COL18A1: variants seen among roughly 807,000 people sequenced by gnomAD.
COL18A1 encodes the protein collagen alpha-1(XVIII) chain.
In COL18A1, 133 loss-of-function variants were observed where a neutral mutation model predicts 168.0. The observed-to-expected ratio is 0.79, with a 90% CI of 0.69 to 0.91. The LOEUF (loss-of-function observed/expected upper bound fraction) is 0.91. Ranked by LOEUF, COL18A1 falls within the 40% of genes least tolerant of loss-of-function variation. The pLI is 0.00. For missense variants in COL18A1, 2,126 were observed against 1,925.4 expected, an observed-to-expected ratio of 1.10 and a Z score of -1.95; for synonymous variants, 949 against 809.0, an observed-to-expected ratio of 1.17 and a Z score of -2.94.
chr21:45,476,576 GGT>G (rs1346318742), intron 6 of COL18A1, 96 bp downstream of exon 6: 3 of 1,427,372 alleles, frequency 2.1e-6, no homozygotes, highest in Non-Finnish European at 1.9e-6. Flanking sequence ...TGTGATGTAT[GGT>G]GTGTGTAGTG....
chr21:45,465,176 G>T (rs1359546184), intron 2 of COL18A1, among the ~76,000 whole-genome samples: 1 of 152,226 alleles, frequency 6.6e-6, no homozygotes, highest in African/African-American at 2.4e-5. Context: ...TGACCCTGCA[G>T]ACACCTGCTC....
intron 2 of COL18A1, among the ~76,000 whole-genome samples, chr21:45,438,146 TCAGA>T (rs1235992157): frequency 7.3e-5 from 3 of 41,192 alleles, no homozygotes; most frequent in Admixed American, 5.1e-4. Flanking sequence ...ACACACTCAC[TCAGA>T]CACAGGCACT....
intron 2 of COL18A1, among the ~76,000 whole-genome samples, chr21:45,466,350 G>A (rs1478110584): frequency 6.6e-6 from 1 of 152,160 alleles, no homozygotes; most frequent in Non-Finnish European, 1.5e-5. Context: ...CCACACTTCT[G>A]GCTGGCCTGA....
chr21:45,445,115 C>T (rs149049473), intron 2 of COL18A1, among the ~76,000 whole-genome samples: 6 of 152,310 alleles, frequency 3.9e-5, no homozygotes, highest in East Asian at 3.9e-4. Context: ...GAAGCCTTTC[C>T]GCCGCCCTCC....
At chr21:45,488,520 A>G in intron 18 of COL18A1, 76 bp downstream of exon 18, 1 of 1,608,514 alleles carries the variant, frequency 6.2e-7, no homozygotes, top group Non-Finnish European at 8.5e-7. Context: ...TGGGGGAGAC[A>G]GGGCCTTGCC....
chr21:45,437,160 ACAGG>A lies in COL18A1; in HGVS notation c.107-31079_107-31076del, dbSNP rs1488223923. Among the ~76,000 whole-genome samples the A allele has an allele frequency of 1.8e-5, 2 of 112,850 alleles. 1 individual carries two copies. Among genetic ancestry groups the A allele is most frequent in the African/African-American group, 8.6e-5 (2 of 23,242 alleles). 74.0% of individuals were successfully genotyped at this position (112,850 alleles called of 152,430 possible). On this transcript the variant is annotated intron_variant, in intron 2 of 41. Coordinates refer to ENST00000651438, the MANE Select transcript of COL18A1 (RefSeq NM_001379500.1). ...TCTCCACACACACTCACACTCAGAC[ACAGG>A]CACTCTCCTGCACACACACTCACAC...
In COL18A1 at chr21:45,498,460, C is replaced by T. The variant is rs965331012; in HGVS notation, c.2683+799C>T. On this transcript the variant is annotated intron_variant, in intron 32 of 41. Coordinates refer to ENST00000651438, the MANE Select transcript of COL18A1 (RefSeq NM_001379500.1). The surrounding 1 kb of genome is among the most constrained non-coding windows in gnomAD (Gnocchi z 4.5). ...TCTCGCCGCCAGGGTCCCCTCTCGC[C>T]GCCACGGTCCCCGCTCGCCGCCAGG... is the stretch of plus-strand genomic sequence containing the variant. 2.3e-5 allele frequency: 16 copies of T among 701,158 alleles called. No individual in the cohort carries two copies. The Middle Eastern group carries it at 1.1e-3, about 46-fold the overall frequency. The allele number at this position is 701,158 out of a possible 1,614,324, so 43.4% of individuals were successfully genotyped here.
chr21:45,473,511 C>T lies in COL18A1; in HGVS notation c.652-384C>T, dbSNP rs1215836349. ...CCGCCTGGTGCTTGCGTAAAGCTCC[C>T]GGGACTTGGGGTTGGGGGACTTGAC... On this transcript the variant is annotated intron_variant, in intron 3 of 41. Transcript: ENST00000651438. This position sits in a 1 kb window ranked among gnomAD's most constrained non-coding sequence, Gnocchi z 4.0. Among the ~76,000 whole-genome samples, 2 of 152,140 alleles carry T rather than the reference C, an allele frequency of 1.3e-5. No individual in the cohort carries two copies. The highest frequency in any genetic ancestry group is 2.9e-5 in the Non-Finnish European group (2 of 68,022).
At chr21:45,480,041 G>C in intron 10 of COL18A1, 29 bp from the exon 11 acceptor site, 1 of 1,610,944 alleles carries the variant, frequency 6.2e-7, no homozygotes, top group Non-Finnish European at 8.5e-7. Context: ...GCGTGCCCAG[G>C]GTATGATAGG....
chr21:45,503,140 C>T (rs540460240), intron 32 of COL18A1, among the ~76,000 whole-genome samples: 6 of 152,288 alleles, frequency 3.9e-5, no homozygotes, highest in African/African-American at 9.6e-5. Flanking sequence ...CCTGAGGAAT[C>T]GCCACACTGA....
At position 45,423,098 on chromosome 21, in the gene COL18A1, G is replaced by A. The variant is rs1857178394; in HGVS notation, c.106+17625G>A. On this transcript the variant is annotated intron_variant, in intron 2 of 41. Coordinates refer to ENST00000651438, the MANE Select transcript of COL18A1 (RefSeq NM_001379500.1). The surrounding 1 kb of genome is among the most constrained non-coding windows in gnomAD (Gnocchi z 4.0). ...CAGAGTGTTGGGATTATAGGTGTGA[G>A]CCACCGCACCCGGCCGAAGTGGTTT... 1.3e-5 allele frequency among the ~76,000 whole-genome samples: 2 copies of A among 152,146 alleles called. No individual in the cohort carries two copies. Among genetic ancestry groups the A allele is most frequent in the Admixed American group, 6.5e-5 (1 of 15,278 alleles).
chr21:45,452,926 C>G (rs8131974), intron 2 of COL18A1, among the ~76,000 whole-genome samples: 6,567 of 150,602 alleles, frequency 0.044, 182 homozygotes, highest in African/African-American at 0.078. Flanking sequence ...TGTGAGTATT[C>G]ACATGTGACA....
rs147497197 is a variant in COL18A1, at chr21:45,509,963, C to T, written c.3496-101C>T. On this transcript the variant is annotated intron_variant, in intron 39 of 41. Transcript: ENST00000651438. ...CGCCTCCCGCTCAGCGCCCCTCGGC[C>T]GTGCCTGTCCACACAGGTGCGGGGC... 671 of 1,359,244 alleles carry T rather than the reference C, an allele frequency of 4.9e-4. 4 individuals carry two copies. The East Asian group carries it at 0.012, about 24-fold the overall frequency. The allele number at this position is 1,359,244 out of a possible 1,614,324, so 84.2% of individuals were successfully genotyped here. A position where few individuals can be genotyped will look rare whatever the true frequency, so the allele number is the denominator to read the frequency against.
At chr21:45,508,573 G>A (rs117312236) in intron 38 of COL18A1, among the ~76,000 whole-genome samples, 395 of 152,210 alleles carry the variant, frequency 2.6e-3, no homozygotes, top group Non-Finnish European at 4.3e-3. Context: ...TAAGTGTTGC[G>A]TCCAGCTGCT....
rs1569270402 is a variant in COL18A1, at chr21:45,405,352, G to GGGTCTGCGGT, written c.12-26_12-25insGTCTGCGGTG. On this transcript the variant is annotated intron_variant, in intron 1 of 41. Coordinates refer to ENST00000651438, the MANE Select transcript of COL18A1 (RefSeq NM_001379500.1). ...TGCGGGGGTCGCGGGGGTCCTGCGG[G>GGGTCTGCGGT]GTCTGACCCGTGCCTGTCCCGCGCA... 61 of 1,181,984 alleles carry GGGTCTGCGGT rather than the reference G, an allele frequency of 5.2e-5. No homozygotes were observed. The Admixed American group carries it at 1.3e-3, about 26-fold the overall frequency. The allele number at this position is 1,181,984 out of a possible 1,614,324, so 73.2% of individuals were successfully genotyped here.
Position 45,457,247 on chromosome 21 carries a change from G to A in COL18A1, c.107-10995G>A, listed in dbSNP as rs527318636. Among the ~76,000 whole-genome samples the A allele has an allele frequency of 6.6e-3, 1,004 of 152,310 alleles. 4 individuals are homozygous for A. The highest frequency in any genetic ancestry group is 0.012 in the Non-Finnish European group (806 of 68,012). On this transcript the variant is annotated intron_variant, in intron 2 of 41. Transcript: ENST00000651438. This position sits in a 1 kb window ranked among gnomAD's most constrained non-coding sequence, Gnocchi z 4.6. ...GTGGCGTGACTCACCCCAGGGAGCC[G>A]AGATTCCCGCTCAGGTGTGGCTGCA...
At chr21:45,453,301 ATG>A (rs1341646616) in intron 2 of COL18A1, among the ~76,000 whole-genome samples, 6 of 152,238 alleles carry the variant, frequency 3.9e-5, no homozygotes, top group Admixed American at 6.5e-5. Context: ...GGGCTTGTGT[ATG>A]TGAGTATTCA....
Position 45,479,944 on chromosome 21 carries a change from G to A in COL18A1, c.1291G>A (p.Val431Ile), listed in dbSNP as rs765136526. 25 of 1,613,852 alleles carry A rather than the reference G, an allele frequency of 1.5e-5. No homozygotes were observed. Among genetic ancestry groups the A allele is most frequent in the Middle Eastern group, 1.7e-4 (1 of 6,060 alleles). ...PQGFPGTPGD[V>I]GPKGDKGDPG... ...AGGCTTCCCCGGGACTCCAGGGGAC[G>A]TAGGTCCCAAGGGCGACAAGGTGAG... is the stretch of plus-strand genomic sequence containing the variant. Residue 431 changes from valine (V) to isoleucine (I), a missense_variant, in exon 10 of 42, where the codon GTA becomes ATA. Val to Ile is a conservative substitution (Grantham distance 29). Coordinates refer to ENST00000651438, the MANE Select transcript of COL18A1 (RefSeq NM_001379500.1).
rs2034447298 is a variant in COL18A1, at chr21:45,443,902, G to T, written c.107-24340G>T. ...GGTGGCCCTCCAGACTCCTAGGAAG[G>T]GGACCGTCCTCCCAGTGGCAGCCAG... On this transcript the variant is annotated intron_variant, in intron 2 of 41. Transcript: ENST00000651438. This position sits in a 1 kb window ranked among gnomAD's most constrained non-coding sequence, Gnocchi z 5.2. 6.6e-6 allele frequency among the ~76,000 whole-genome samples: 1 copy of T among 152,130 alleles called. No individual in the cohort carries two copies. The highest frequency in any genetic ancestry group is 1.5e-5 in the Non-Finnish European group (1 of 68,014).
Sources: allele counts gnomAD v4.1 joint callset (sites outside exome capture counted in the v4.1 genomes callset), GRCh38; gene constraint gnomAD v4.1.1; non-coding constraint Gnocchi (gnomAD v3.1); transcripts MANE v1.5; gene names NCBI Gene and HGNC (gene_info 2026-07-23, HGNC 2026-07-21).